The following DNAH2 variants were observed in gnomAD, a reference collection of about 807,000 sequenced individuals.
DNAH2 encodes the protein axonemal beta dynein heavy chain 2.
DNAH2 carries 323 observed loss-of-function variants against 523.5 expected under a neutral mutation model. That is an observed-to-expected ratio of 0.62 (90% CI 0.56 to 0.68). The LOEUF (loss-of-function observed/expected upper bound fraction) is 0.68. DNAH2 is among the 30% of genes least tolerant of loss of function. The pLI is 0.00. For missense variants in DNAH2, 4,907 were observed against 5,701.5 expected, an observed-to-expected ratio of 0.86 and a Z score of 4.49; for synonymous variants, 2,093 against 2,177.4, an observed-to-expected ratio of 0.96 and a Z score of 1.08.
At chr17:7,804,934 C>T (rs761597596) in intron 59 of DNAH2, 24 bp from the exon 60 acceptor site, 7 of 1,602,932 alleles carry the variant, frequency 4.4e-6, no homozygotes, top group Admixed American at 1.7e-5. Flanking sequence ...AGACAAAAAA[C>T]CCTTGTCCTT....
rs781676620 is a variant in DNAH2 at position 7,821,354 on chromosome 17, T to C, written c.11127T>C (p.Phe3709=). ...TCAACATGGATGAATACAACTTCTTTCTACGTGGGGGTGTGGTGAGTTGGG... is the reference window on the plus strand; with the variant it reads ...TCAACATGGATGAATACAACTTCTTCCTACGTGGGGGTGTGGTGAGTTGGG... ...GKLNMDEYNF[F]LRGGVVLDRE... is the part of the protein sequence containing the mutation. Residue 3709 remains phenylalanine (F), a synonymous_variant, in exon 73 of 86, where the codon TTT becomes TTC. Transcript: ENST00000572933. This position sits in a 1 kb window ranked among gnomAD's most constrained non-coding sequence, Gnocchi z 5.0. The C allele has an allele frequency of 5.6e-6, 9 of 1,613,232 alleles. No homozygotes were observed. In the African/African-American group the frequency reaches 1.1e-4, roughly 19 times the overall value.
chr17:7,742,253 G>A (rs2642161), intron 11 of DNAH2, among the ~76,000 whole-genome samples: 11,917 of 151,960 alleles, frequency 0.078, 1,325 homozygotes, highest in African/African-American at 0.25. Context: ...AACATGGTGA[G>A]ACCCTGTCTC....
intron 12 of DNAH2, among the ~76,000 whole-genome samples, chr17:7,744,732 T>G (rs2075465088): frequency 1.3e-5 from 2 of 152,168 alleles, no homozygotes; most frequent in Admixed American, 6.5e-5. Context: ...AAATCAACGA[T>G]AAGATTCTGA....
rs763752196 is a variant in DNAH2 at position 7,759,788 on chromosome 17, C to T, written c.2638-3C>T. 1 of 1,614,146 alleles carries T rather than the reference C, an allele frequency of 6.2e-7. No homozygotes were observed. Among genetic ancestry groups the T allele is most frequent in the Non-Finnish European group, 8.5e-7 (1 of 1,179,974 alleles). On this transcript the variant is annotated splice_region_variant and splice_polypyrimidine_tract_variant and intron_variant, in intron 16 of 85. Coordinates refer to ENST00000572933, the MANE Select transcript of DNAH2 (RefSeq NM_020877.5). ...CTCTCCATCTCCACTGGGTTCCTCA[C>T]AGGTGGAATTCTCACCCACTCTGCA...
At chr17:7,756,335 G>A (rs564965701) in intron 12 of DNAH2, among the ~76,000 whole-genome samples, 1 of 152,064 alleles carries the variant, frequency 6.6e-6, no homozygotes, top group Admixed American at 6.5e-5. Flanking sequence ...GAGGGCAGTG[G>A]TGCGATCTTG....
chr17:7,799,345 C>T (rs1597702779), intron 56 of DNAH2, 103 bp downstream of exon 56: 2 of 1,470,120 alleles, frequency 1.4e-6, no homozygotes, highest in East Asian at 2.3e-5. Context: ...TAACAGCAGG[C>T]TCCTCTGCCC....
chr17:7,767,101 C>A (rs991563863), intron 22 of DNAH2, among the ~76,000 whole-genome samples: 33 of 150,656 alleles, frequency 2.2e-4, no homozygotes, highest in African/African-American at 7.8e-4. Flanking sequence ...CCCCGTCCCC[C>A]GCCCCAGTCT....
chr17:7,741,303 T>TTCCTTCCTTCCCTCCCTCCCTCCC, intron 11 of DNAH2, among the ~76,000 whole-genome samples: 1 of 76,884 alleles, frequency 1.3e-5, no homozygotes, highest in East Asian at 4.6e-4. Context: ...TCTTCCTTCC[T>TTCCTTCCTTCCCTCCCTCCCTCCC]TCCCTCCCTC....
chr17:7,722,282 G>A (rs141455421), intron 2 of DNAH2, among the ~76,000 whole-genome samples: 85 of 152,278 alleles, frequency 5.6e-4, no homozygotes, highest in African/African-American at 2.0e-3. Context: ...TGGGATTACA[G>A]GTATGAGCCA....
In DNAH2 at chr17:7,770,281, A is replaced by C; in HGVS notation, c.3971A>C (p.Gln1324Pro). The change falls in exon 25 of 86, where the codon CAG (glutamine) becomes CCG (proline). Residue 1324 changes from glutamine (Q) to proline (P), a missense_variant. Gln to Pro is a moderately conservative substitution (Grantham distance 76). Transcript: ENST00000572933. The stretch of plus-strand genomic sequence containing the variant: ...TGGGACCAGGTCCGGGATGAGATCC[A>C]GCGGGAGTTTGATCAGGAATCTGAA... ...RHWDQVRDEI[Q>P]REFDQESESF... 1.2e-6 allele frequency: 2 copies of C among 1,612,906 alleles called. No homozygotes were observed. Among genetic ancestry groups the C allele is most frequent in the Non-Finnish European group, 1.7e-6 (2 of 1,179,344 alleles).
Position 7,818,095 on chromosome 17 carries a change from C to T in DNAH2, c.10386C>T (p.Ile3462=), listed in dbSNP as rs770090769. Residue 3462 remains isoleucine, a splice_region_variant and synonymous_variant, in exon 68 of 86, where the codon ATC becomes ATT. Transcript: ENST00000572933. The part of the protein sequence containing the change: ...NPMLNKSVAR[I]GGRLLMRIGD... ...TGCTCAACAAATCTGTAGCCCGAAT[C>T]GGTCAGGACAAGTCCCCAAGACCAG... is the stretch of plus-strand genomic sequence containing the variant. The T allele has an allele frequency of 1.6e-5, 26 of 1,610,528 alleles. No homozygotes were observed. In the East Asian group the frequency reaches 2.9e-4, roughly 18 times the overall value.
At position 7,743,743 on chromosome 17, in the gene DNAH2, C is replaced by T. The variant is rs575637481; in HGVS notation, c.1904+601C>T. ...TTCTGCCACTAGATGGCCATAATGGCTCAGCTAAGTCACCCAAACCCTGTC... is the reference window on the plus strand; with the variant it reads ...TTCTGCCACTAGATGGCCATAATGGTTCAGCTAAGTCACCCAAACCCTGTC... On this transcript the variant is annotated intron_variant, in intron 12 of 85. Coordinates refer to ENST00000572933, the MANE Select transcript of DNAH2 (RefSeq NM_020877.5). The T allele has an allele frequency of 2.6e-5, 5 of 195,216 alleles. No homozygotes were observed. The East Asian group carries it at 7.2e-4, about 28-fold the overall frequency. The allele number at this position is 195,216 out of a possible 1,614,324, so 12.1% of individuals were successfully genotyped here.
In DNAH2 at chr17:7,734,613, CTGGTGAA is replaced by C; in HGVS notation, c.884_890del (p.Leu295ArgfsTer4). The C allele has an allele frequency of 6.2e-7, 1 of 1,613,454 alleles. No homozygotes were observed. The highest frequency in any genetic ancestry group is 8.5e-7 in the Non-Finnish European group (1 of 1,179,966). On this transcript the variant is annotated frameshift_variant, in exon 7 of 86. Transcript: ENST00000572933. LOFTEE classifies it high-confidence loss of function. ...GGACCTGTCTGGCATCAGTAAGCAGCTGGTGAAGAAGGGAGTGAAGCACGTTGAATCC... is the reference window on the plus strand; with the variant it reads ...GGACCTGTCTGGCATCAGTAAGCAGCGAAGGGAGTGAAGCACGTTGAATCC...
Position 7,831,611 on chromosome 17 carries a change from G to A in DNAH2, c.12612-50G>A. 6.2e-7 allele frequency: 1 copy of A among 1,613,158 alleles called. No homozygotes were observed. On this transcript the variant is annotated intron_variant, in intron 81 of 85. Transcript: ENST00000572933. This position sits in a 1 kb window ranked among gnomAD's most constrained non-coding sequence, Gnocchi z 4.2. The stretch of plus-strand genomic sequence containing the variant: ...GAAGCCTTTGCCTTCTGGCTAGAAT[G>A]ACGTTCCCAGGCCCACCTCATCTCT...
intron 44 of DNAH2, among the ~76,000 whole-genome samples, chr17:7,789,470 T>A (rs2076837142): frequency 6.6e-6 from 1 of 152,060 alleles, no homozygotes; most frequent in Non-Finnish European, 1.5e-5. Flanking sequence ...GATGGTGAGA[T>A]GGGTTGTGTG....
In DNAH2 at chr17:7,832,663, G is replaced by T. The variant is rs762598891; in HGVS notation, c.12811G>T (p.Ala4271Ser). 3 of 1,614,166 alleles carry T rather than the reference G, an allele frequency of 1.9e-6. No homozygotes were observed. Among genetic ancestry groups the T allele is most frequent in the East Asian group, 2.2e-5 (1 of 44,876 alleles). The change falls in exon 83 of 86, where the codon GCC becomes TCC. Residue 4271 changes from alanine (A) to serine (S), a missense_variant. Physicochemically the swap from Ala to Ser is moderately conservative, Grantham distance 99 (BLOSUM62 1). This residue lies in a region of DNAH2 where 1,851 missense variants were observed against 2,139.4 expected (regional missense o/e 0.87). Coordinates refer to ENST00000572933, the MANE Select transcript of DNAH2 (RefSeq NM_020877.5). The surrounding 1 kb of genome is among the most constrained non-coding windows in gnomAD (Gnocchi z 4.3). ...VEQFELWASR[A>S]RPPVIFWLSG... ...GCAGTTTGAGCTGTGGGCCAGCCGG[G>T]CCCGGCCTCCTGTGATCTTCTGGTT... is the stretch of plus-strand genomic sequence containing the variant.
At position 7,798,390 on chromosome 17, in the gene DNAH2, A is replaced by C; in HGVS notation, c.8398+66A>C. 8 of 1,554,894 alleles carry C rather than the reference A, an allele frequency of 5.1e-6. No homozygotes were observed. In the South Asian group the frequency reaches 9.7e-5, roughly 19 times the overall value. The stretch of plus-strand genomic sequence containing the variant: ...ATGCATACATTCCTGCAGTGACAAG[A>C]GAGGAGAGATGGCAGCCAGATGGGC... On this transcript the variant is annotated intron_variant, in intron 54 of 85. Coordinates refer to ENST00000572933, the MANE Select transcript of DNAH2 (RefSeq NM_020877.5). The surrounding 1 kb of genome is among the most constrained non-coding windows in gnomAD (Gnocchi z 5.5).
intron 7 of DNAH2, among the ~76,000 whole-genome samples, chr17:7,736,030 G>A (rs917611009): frequency 6.6e-6 from 1 of 151,966 alleles, no homozygotes; most frequent in Non-Finnish European, 1.5e-5. Context: ...TGGGATTACA[G>A]GTGTCAGCCA....
chr17:7,788,303 C>A lies in DNAH2; in HGVS notation c.6900+59C>A. On this transcript the variant is annotated intron_variant, in intron 44 of 85. Transcript: ENST00000572933. ...GGGGGTGCTCACAGCCTCACCAGAA[C>A]AACTTCTGGGAAACGGCGTGTCTGA... The A allele has an allele frequency of 2.0e-6, 3 of 1,492,042 alleles. No homozygotes were observed. In the East Asian group the frequency reaches 7.4e-5, roughly 37 times the overall value. 92.4% of individuals were successfully genotyped at this position (1,492,042 alleles called of 1,614,324 possible). A position where few individuals can be genotyped will look rare whatever the true frequency, so the allele number is the denominator to read the frequency against.
Sources: gnomAD v4.1 joint callset for allele counts (sites outside exome capture counted in the v4.1 genomes callset) on GRCh38, gnomAD v4.1.1 for gene constraint, gnomAD v4.1.1 regional missense constraint, Gnocchi (gnomAD v3.1) non-coding constraint, MANE v1.5 for transcripts, NCBI Gene and HGNC (gene_info 2026-07-23, HGNC 2026-07-21) for gene names.